The following IGF2BP2 variants were observed in gnomAD, a reference collection of about 807,000 sequenced individuals.
The protein encoded by IGF2BP2 is insulin-like growth factor 2 mRNA-binding protein 2.
Under a neutral mutation model 75.8 loss-of-function variants are expected in IGF2BP2, and 17 were observed. That is an observed-to-expected ratio of 0.22 (90% CI 0.15 to 0.34). The LOEUF (loss-of-function observed/expected upper bound fraction) is 0.34. Among genes scored for constraint, IGF2BP2 ranks in the 10% least tolerant of loss-of-function variants. The pLI is 1.00. For missense variants in IGF2BP2, 516 were observed against 772.4 expected, an observed-to-expected ratio of 0.67 and a Z score of 3.93; for synonymous variants, 288 against 295.6, an observed-to-expected ratio of 0.97 and a Z score of 0.26.
At chr3:185,683,451 C>T (rs1720677103) in intron 7 of IGF2BP2, among the ~76,000 whole-genome samples, 1 of 151,994 alleles carries the variant, frequency 6.6e-6, no homozygotes, top group Admixed American at 6.6e-5. Flanking sequence ...CTCTGTCACC[C>T]AGGCTGGAGT....
At chr3:185,805,669 G>C (rs1480408390) in intron 2 of IGF2BP2, among the ~76,000 whole-genome samples, 1 of 152,066 alleles carries the variant, frequency 6.6e-6, no homozygotes, top group Non-Finnish European at 1.5e-5. Context: ...CAAGGACATA[G>C]AGTTATAGAT....
At chr3:185,822,678 T>C (rs545150075) in intron 2 of IGF2BP2, among the ~76,000 whole-genome samples, 2 of 152,350 alleles carry the variant, frequency 1.3e-5, no homozygotes, top group East Asian at 3.9e-4. Flanking sequence ...ATGCAAAATA[T>C]TGACCCCTTA....
At chr3:185,692,652 T>A in intron 5 of IGF2BP2, 47 bp downstream of exon 5, 1 of 1,467,234 alleles carries the variant, frequency 6.8e-7, no homozygotes, top group Non-Finnish European at 9.5e-7. Context: ...GGAATTCAAA[T>A]ATAAAAACAA....
In IGF2BP2 at chr3:185,783,147, T is replaced by G. The variant is rs116458643; in HGVS notation, c.239+40006A>C. Among the ~76,000 whole-genome samples, 1,171 of 152,346 alleles carry G rather than the reference T, an allele frequency of 7.7e-3. 13 individuals carry two copies. The highest frequency in any genetic ancestry group is 0.027 in the African/African-American group (1,122 of 41,580). On this transcript the variant is annotated intron_variant, in intron 2 of 15. Coordinates refer to ENST00000382199, the MANE Select transcript of IGF2BP2 (RefSeq NM_006548.6). ...AGGTTATCATATATATGATTCACAG[T>G]TGAGACACACAAGATACTTGCAAAC...
intron 2 of IGF2BP2, among the ~76,000 whole-genome samples, chr3:185,718,629 G>A (rs539627874): frequency 1.4e-5 from 2 of 139,300 alleles, no homozygotes; most frequent in South Asian, 4.6e-4. Flanking sequence ...AGGTTGTGGT[G>A]AGCTGAGATC....
chr3:185,735,866 A>T (rs1422767722), intron 2 of IGF2BP2, among the ~76,000 whole-genome samples: 1 of 152,196 alleles, frequency 6.6e-6, no homozygotes, highest in East Asian at 1.9e-4. Flanking sequence ...AAGTTTGTTG[A>T]ATGAGTGAAT....
intron 2 of IGF2BP2, among the ~76,000 whole-genome samples, chr3:185,816,163 T>A (rs1243851729): frequency 1.3e-5 from 2 of 152,172 alleles, no homozygotes; most frequent in African/African-American, 4.8e-5. Flanking sequence ...ACATGGCACA[T>A]AGTCTTGACC....
At chr3:185,785,290 G>A (rs1735728163) in intron 2 of IGF2BP2, among the ~76,000 whole-genome samples, 1 of 119,800 alleles carries the variant, frequency 8.3e-6, no homozygotes. Flanking sequence ...AACAGAGTGA[G>A]ACTCCTTCTC....
At chr3:185,780,467 TCTTCAGCAA>T (rs1016103068) in intron 2 of IGF2BP2, among the ~76,000 whole-genome samples, 18 of 152,282 alleles carry the variant, frequency 1.2e-4, no homozygotes, top group African/African-American at 4.3e-4. Context: ...AATTTAAAGA[TCTTCAGCAA>T]ACTGCGGGTA....
At chr3:185,716,239 G>C (rs1334963917) in intron 2 of IGF2BP2, among the ~76,000 whole-genome samples, 1 of 151,290 alleles carries the variant, frequency 6.6e-6, no homozygotes, top group African/African-American at 2.4e-5. Context: ...AATGCTCTTA[G>C]AAAAGTATTT....
chr3:185,754,513 G>A (rs141789750), intron 2 of IGF2BP2, among the ~76,000 whole-genome samples: 32 of 152,312 alleles, frequency 2.1e-4, no homozygotes, highest in East Asian at 1.3e-3. Context: ...AAAGAAAGAC[G>A]TGGAAGCGGC....
intron 10 of IGF2BP2, among the ~76,000 whole-genome samples, chr3:185,671,101 T>C (rs975187332): frequency 3.3e-5 from 5 of 152,176 alleles, no homozygotes; most frequent in Admixed American, 3.3e-4. Flanking sequence ...CCCAAGCTAT[T>C]CTTACTGCTT....
chr3:185,759,350 T>C (rs1476929414), intron 2 of IGF2BP2, among the ~76,000 whole-genome samples: 1 of 152,238 alleles, frequency 6.6e-6, no homozygotes, highest in Non-Finnish European at 1.5e-5. Context: ...TAAAGGTGTA[T>C]GTGCATAGAT....
intron 4 of IGF2BP2, among the ~76,000 whole-genome samples, chr3:185,696,032 C>T (rs1722530373): frequency 6.6e-6 from 1 of 152,124 alleles, no homozygotes; most frequent in African/African-American, 2.4e-5. Flanking sequence ...TGTGATCTGC[C>T]CACCTGGGCG....
chr3:185,672,726 C>T, intron 9 of IGF2BP2, 57 bp from the exon 10 acceptor site: 2 of 1,593,030 alleles, frequency 1.3e-6, no homozygotes, highest in Non-Finnish European at 1.7e-6. Context: ...GGCCCGCACG[C>T]CTGGGTCAAC....
intron 5 of IGF2BP2, among the ~76,000 whole-genome samples, chr3:185,691,417 A>G (rs1473712796): frequency 6.6e-6 from 1 of 151,970 alleles, no homozygotes; most frequent in Non-Finnish European, 1.5e-5. Flanking sequence ...ATCTTTTTCA[A>G]TGCAAAATTA....
intron 2 of IGF2BP2, among the ~76,000 whole-genome samples, chr3:185,794,536 CT>C (rs753801173): frequency 6.6e-6 from 1 of 152,144 alleles, no homozygotes; most frequent in South Asian, 2.1e-4. Context: ...TTACCCTAGA[CT>C]TTACCATCTC....
At chr3:185,723,311 T>C (rs1303330575) in intron 2 of IGF2BP2, among the ~76,000 whole-genome samples, 1 of 152,204 alleles carries the variant, frequency 6.6e-6, no homozygotes, top group East Asian at 1.9e-4. Context: ...AACTCACTGC[T>C]TGGGTCCACA....
intron 10 of IGF2BP2, among the ~76,000 whole-genome samples, chr3:185,665,460 GA>G (rs1717325961): frequency 3.9e-5 from 4 of 103,814 alleles, no homozygotes; most frequent in African/African-American, 1.6e-4. Context: ...AGGAGGAGAA[GA>G]AGAAGAAGAA....
Sources: allele counts gnomAD v4.1 joint callset (sites outside exome capture counted in the v4.1 genomes callset), GRCh38; gene constraint gnomAD v4.1.1; transcripts MANE v1.5; gene names NCBI Gene and HGNC (gene_info 2026-07-23, HGNC 2026-07-21).